The following TPMT variants were observed in gnomAD, a reference collection of about 807,000 sequenced individuals.
The protein encoded by TPMT is thiopurine S-methyltransferase.
In TPMT, 18 loss-of-function variants were observed where a neutral mutation model predicts 34.2. The ratio of observed to expected loss-of-function variants is 0.53; its 90% CI spans 0.36 to 0.78. The LOEUF (loss-of-function observed/expected upper bound fraction) is 0.78. TPMT is among the 30% of genes least tolerant of loss of function. The pLI, the probability that TPMT is intolerant of heterozygous loss-of-function variation, is 0.00. For synonymous variants in TPMT, 69 were observed against 92.4 expected, an observed-to-expected ratio of 0.75 and a Z score of 1.45; for missense variants, 265 against 288.1, an observed-to-expected ratio of 0.92 and a Z score of 0.58.
chr6:18,132,076 C>T lies in TPMT; in HGVS notation c.625+57G>A. 1 of 1,591,212 alleles carries T rather than the reference C, an allele frequency of 6.3e-7. No homozygotes were observed. The highest frequency in any genetic ancestry group is 8.6e-7 in the Non-Finnish European group (1 of 1,159,956). On this transcript the variant is annotated intron_variant, in intron 8 of 8. Coordinates refer to ENST00000309983, the MANE Select transcript of TPMT (RefSeq NM_000367.5). This position sits in a 1 kb window ranked among gnomAD's most constrained non-coding sequence, Gnocchi z 4.8. ...ACAGGCATGAGCCAGCACGCCAGGC[C>T]CAAAAGAGTTAACTTGACTTTGTTT... is the stretch of plus-strand genomic sequence containing the variant.
chr6:18,131,379 G>A lies in TPMT; in HGVS notation c.626-599C>T, dbSNP rs1783936586. ...GGATCACTTGAGCCCAGGAGTTCGAGACCAGCCTGGGCAATGTGGTTAAAC... is the reference window on the plus strand; with the variant it reads ...GGATCACTTGAGCCCAGGAGTTCGAAACCAGCCTGGGCAATGTGGTTAAAC... On this transcript the variant is annotated intron_variant, in intron 8 of 8. Transcript: ENST00000309983. This position sits in a 1 kb window ranked among gnomAD's most constrained non-coding sequence, Gnocchi z 4.3. 6.6e-6 allele frequency among the ~76,000 whole-genome samples: 1 copy of A among 152,122 alleles called. No individual in the cohort carries two copies. The highest frequency in any genetic ancestry group is 1.5e-5 in the Non-Finnish European group (1 of 68,018).
rs575818247 is a variant in TPMT, at chr6:18,130,903, C to G, written c.626-123G>C. On this transcript the variant is annotated intron_variant, in intron 8 of 8. Coordinates refer to ENST00000309983, the MANE Select transcript of TPMT (RefSeq NM_000367.5). The surrounding 1 kb of genome is among the most constrained non-coding windows in gnomAD (Gnocchi z 4.2). ...CCTGTAATCCCAACACTTTGGGAGG[C>G]CGAGGCAGGTGGATCACTTGAGGTC... 27 of 716,202 alleles carry G rather than the reference C, an allele frequency of 3.8e-5. No individual in the cohort carries two copies. The African/African-American group carries it at 4.6e-4, about 12-fold the overall frequency. 44.4% of individuals were successfully genotyped at this position (716,202 alleles called of 1,614,324 possible).
chr6:18,134,946 A>G (rs1334969104), intron 6 of TPMT, among the ~76,000 whole-genome samples: 1 of 152,196 alleles, frequency 6.6e-6, no homozygotes, highest in African/African-American at 2.4e-5. Context: ...TCCAGTTTCT[A>G]TGGAGCCTGG....
At position 18,139,034 on chromosome 6, in the gene TPMT, T is replaced by G. The variant is rs16880276; in HGVS notation, c.423A>C (p.Thr141=). The G allele has an allele frequency of 2.5e-6, 4 of 1,613,668 alleles. No individual in the cohort carries two copies. Among genetic ancestry groups the G allele is most frequent in the East Asian group, 2.2e-5 (1 of 44,888 alleles). ...AAATCATGTCAAATTTGCCAATATT[T>G]GTCCTACCAGAAAGAGAAAAAACAT... ...YCCSIFDLPR[T]NIGKFDMIWD... The change falls in exon 6 of 9, where the codon ACA becomes ACC. Residue 141 remains threonine (T), a synonymous_variant. Coordinates refer to ENST00000309983, the MANE Select transcript of TPMT (RefSeq NM_000367.5). The surrounding 1 kb of genome is among the most constrained non-coding windows in gnomAD (Gnocchi z 4.2).
At chr6:18,134,842 G>A (rs1378649262) in intron 6 of TPMT, among the ~76,000 whole-genome samples, 2 of 152,196 alleles carry the variant, frequency 1.3e-5, no homozygotes, top group South Asian at 2.1e-4. Context: ...GACAGGAGAC[G>A]CATGCAGGGT....
At position 18,128,428 on chromosome 6, in the gene TPMT, T is replaced by A. The variant is rs7886; in HGVS notation, c.*2240A>T. 0.78 allele frequency: 118,785 copies of A among 152,176 alleles called. 46,437 individuals are homozygous for A. Among genetic ancestry groups the A allele is most frequent in the African/African-American group, 0.81 (33,721 of 41,516 alleles). The allele number at this position is 152,176 out of a possible 1,614,324, so 9.4% of individuals were successfully genotyped here. A position where few individuals can be genotyped will look rare whatever the true frequency, so the allele number is the denominator to read the frequency against. On this transcript the variant is annotated 3_prime_UTR_variant, in exon 9 of 9. Coordinates refer to ENST00000309983, the MANE Select transcript of TPMT (RefSeq NM_000367.5). The surrounding 1 kb of genome is among the most constrained non-coding windows in gnomAD (Gnocchi z 4.6). Reference sequence around the variant, plus strand: ...CCAGTGAAGACACATATTACATAAATGATCAACTACCTAAGGATATCTCAT... The same window carrying A: ...CCAGTGAAGACACATATTACATAAAAGATCAACTACCTAAGGATATCTCAT...
intron 1 of TPMT, among the ~76,000 whole-genome samples, chr6:18,152,209 T>C (rs1784366047): frequency 6.6e-6 from 1 of 152,214 alleles, no homozygotes; most frequent in Admixed American, 6.5e-5. Context: ...ACTGGGCTGC[T>C]CAATGGCTTT....
chr6:18,133,722 A>G, intron 7 of TPMT, 82 bp downstream of exon 7: 1 of 1,068,546 alleles, frequency 9.4e-7, no homozygotes, highest in Middle Eastern at 2.0e-4. Context: ...TTAGGAGAAA[A>G]TAATTCTTAT....
chr6:18,132,165 T>A lies in TPMT; in HGVS notation c.593A>T (p.Tyr198Phe). 6.2e-7 allele frequency: 1 copy of A among 1,614,132 alleles called. No homozygotes were observed. Reference protein sequence around the residue: ...DPTKHPGPPFYVPHAEIERLF... With the variant: ...DPTKHPGPPFFVPHAEIERLF... ...CCTTTCAATTTCAGCATGTGGAACA[T>A]AAAATGGTGGACCTAGGTAAAAGAG... The change falls in exon 8 of 9, where the codon TAT becomes TTT. Residue 198 changes from tyrosine (Y) to phenylalanine (F), a missense_variant. Tyr to Phe is a conservative substitution (Grantham distance 22). Transcript: ENST00000309983. This position sits in a 1 kb window ranked among gnomAD's most constrained non-coding sequence, Gnocchi z 4.8.
rs1257263241 is a variant in TPMT, at chr6:18,130,494, C to T, written c.*174G>A. 1 of 568,944 alleles carries T rather than the reference C, an allele frequency of 1.8e-6. No homozygotes were observed. Among genetic ancestry groups the T allele is most frequent in the African/African-American group, 1.9e-5 (1 of 52,962 alleles). The allele number at this position is 568,944 out of a possible 1,614,324, so 35.2% of individuals were successfully genotyped here. A position where few individuals can be genotyped will look rare whatever the true frequency, so the allele number is the denominator to read the frequency against. ...AAAAGTTTAGTTACATCTTTTTCTT[C>T]TAAAACTTTTTTAGAAAAAGTAAAT... On this transcript the variant is annotated 3_prime_UTR_variant, in exon 9 of 9. Transcript: ENST00000309983. This position sits in a 1 kb window ranked among gnomAD's most constrained non-coding sequence, Gnocchi z 4.2.
At chr6:18,151,173 ACTT>A (rs1372983194) in intron 1 of TPMT, among the ~76,000 whole-genome samples, 1 of 142,422 alleles carries the variant, frequency 7.0e-6, no homozygotes, top group African/African-American at 2.6e-5. Context: ...CATTTTTTTA[ACTT>A]CTTCTCTCTT....
Position 18,143,785 on chromosome 6 carries a change from G to A in TPMT, c.234-57C>T, listed in dbSNP as rs185584633. ...ATGTTTTCAAATGACTAAATAGAGGGTTATATTAGAGTAAGCATATATTTT... is the reference window on the plus strand; with the variant it reads ...ATGTTTTCAAATGACTAAATAGAGGATTATATTAGAGTAAGCATATATTTT... On this transcript the variant is annotated intron_variant, in intron 3 of 8. Coordinates refer to ENST00000309983, the MANE Select transcript of TPMT (RefSeq NM_000367.5). This position sits in a 1 kb window ranked among gnomAD's most constrained non-coding sequence, Gnocchi z 6.1. 1.4e-4 allele frequency: 227 copies of A among 1,595,558 alleles called. 1 individual carries two copies. In the African/African-American group the frequency reaches 2.7e-3, roughly 19 times the overall value.
chr6:18,152,075 C>A (rs1048304605), intron 1 of TPMT, among the ~76,000 whole-genome samples: 1 of 152,184 alleles, frequency 6.6e-6, no homozygotes, highest in Non-Finnish European at 1.5e-5. Flanking sequence ...AGAAAAGGAT[C>A]TGGGGATTTG....
chr6:18,152,010 A>C lies in TPMT; in HGVS notation c.-44-2839T>G, dbSNP rs540388533. On this transcript the variant is annotated intron_variant, in intron 1 of 8. Transcript: ENST00000309983. ...TTTGTTTTACCCTTTCCAGAGAATA[A>C]ATCCCCAAAGCCTGCTGGTGTGGTG... 2.0e-5 allele frequency among the ~76,000 whole-genome samples: 3 copies of C among 152,270 alleles called. No individual in the cohort carries two copies. In the South Asian group the frequency reaches 6.2e-4, roughly 32 times the overall value.
Position 18,138,303 on chromosome 6 carries a change from G to T in TPMT, c.494+660C>A, listed in dbSNP as rs547066103. 7.4e-5 allele frequency among the ~76,000 whole-genome samples: 11 copies of T among 147,934 alleles called. No individual in the cohort carries two copies. The South Asian group carries it at 1.7e-3, about 23-fold the overall frequency. On this transcript the variant is annotated intron_variant, in intron 6 of 8. Coordinates refer to ENST00000309983, the MANE Select transcript of TPMT (RefSeq NM_000367.5). This position sits in a 1 kb window ranked among gnomAD's most constrained non-coding sequence, Gnocchi z 4.1. Reference sequence around the variant, plus strand: ...TTAAATATTTTACAGACAAGGTCTTGCTCTGTCATTCAGGTTGAAGTGCAG... The same window carrying T: ...TTAAATATTTTACAGACAAGGTCTTTCTCTGTCATTCAGGTTGAAGTGCAG...
Position 18,128,324 on chromosome 6 carries a change from C to T in TPMT, c.*2344G>A, listed in dbSNP as rs1434888970. 6.6e-6 allele frequency: 1 copy of T among 152,132 alleles called. No individual in the cohort carries two copies. Among genetic ancestry groups the T allele is most frequent in the Admixed American group, 6.6e-5 (1 of 15,256 alleles). The allele number at this position is 152,132 out of a possible 1,614,324, so 9.4% of individuals were successfully genotyped here. On this transcript the variant is annotated 3_prime_UTR_variant, in exon 9 of 9. Coordinates refer to ENST00000309983, the MANE Select transcript of TPMT (RefSeq NM_000367.5). This position sits in a 1 kb window ranked among gnomAD's most constrained non-coding sequence, Gnocchi z 4.6. ...AAACAAGAAGCATTTTTGGAAAATC[C>T]TGAAAACAATTTAATTGCTCTAAAA...
In TPMT at chr6:18,139,008, C is replaced by T. The variant is rs773721497; in HGVS notation, c.449G>A (p.Trp150Ter). Residue 150 changes from tryptophan (W) to a stop codon, truncating the protein, a stop_gained, in exon 6 of 9, where the codon TGG becomes TAG. Transcript: ENST00000309983. LOFTEE classifies it high-confidence loss of function. This position sits in a 1 kb window ranked among gnomAD's most constrained non-coding sequence, Gnocchi z 4.2. Reference sequence around the variant, plus strand: ...GATGGCAACTAATGCTCCTCTATCCCAAATCATGTCAAATTTGCCAATATT... The same window carrying T: ...GATGGCAACTAATGCTCCTCTATCCTAAATCATGTCAAATTTGCCAATATT... ...RTNIGKFDMI[W>*]DRGALVAINP... 1 of 1,613,666 alleles carries T rather than the reference C, an allele frequency of 6.2e-7. No homozygotes were observed. Among genetic ancestry groups the T allele is most frequent in the Non-Finnish European group, 8.5e-7 (1 of 1,179,546 alleles).
At chr6:18,137,271 G>A (rs1341766383) in intron 6 of TPMT, among the ~76,000 whole-genome samples, 2 of 152,030 alleles carry the variant, frequency 1.3e-5, no homozygotes, top group Non-Finnish European at 1.5e-5. Flanking sequence ...CCAAGTAGCT[G>A]GGGCTACAGG....
In TPMT at chr6:18,150,426, T is replaced by C. The variant is rs1784328751; in HGVS notation, c.-44-1255A>G. On this transcript the variant is annotated intron_variant, in intron 1 of 8. Coordinates refer to ENST00000309983, the MANE Select transcript of TPMT (RefSeq NM_000367.5). The surrounding 1 kb of genome is among the most constrained non-coding windows in gnomAD (Gnocchi z 5.3). ...ATCAGTACACAGTCAGTCTCTCCAG[T>C]CATCAGCTATACTATCAATATCATC... Among the ~76,000 whole-genome samples, 1 of 152,166 alleles carries C rather than the reference T, an allele frequency of 6.6e-6. No individual in the cohort carries two copies. The highest frequency in any genetic ancestry group is 6.5e-5 in the Admixed American group (1 of 15,272).
Sources: allele counts gnomAD v4.1 joint callset (sites outside exome capture counted in the v4.1 genomes callset), GRCh38; gene constraint gnomAD v4.1.1; non-coding constraint Gnocchi (gnomAD v3.1); transcripts MANE v1.5; gene names NCBI Gene and HGNC (gene_info 2026-07-23, HGNC 2026-07-21).